Variants in USP33 observed in about 807,000 individuals in gnomAD.
The protein encoded by USP33 is ubiquitin carboxyl-terminal hydrolase 33.
USP33 carries 46 observed loss-of-function variants against 124.2 expected under a neutral mutation model. The observed-to-expected ratio is 0.37, with a 90% CI of 0.29 to 0.47. USP33 has a LOEUF of 0.47. Ranked by LOEUF, USP33 falls within the 20% of genes least tolerant of loss-of-function variation. USP33 has a pLI of 0.99. For synonymous variants in USP33, 350 were observed against 352.3 expected, an observed-to-expected ratio of 0.99 and a Z score of 0.07; for missense variants, 851 against 1,070.6, an observed-to-expected ratio of 0.79 and a Z score of 2.86.
chr1:77,752,974 G>A (rs773410381), intron 1 of USP33, among the ~76,000 whole-genome samples: 7 of 152,128 alleles, frequency 4.6e-5, no homozygotes, highest in Non-Finnish European at 8.8e-5. Context: ...AGCTAGCTGG[G>A]AGGCTGAGGC....
At chr1:77,737,507 T>A (rs1291214960) in intron 5 of USP33, among the ~76,000 whole-genome samples, 1 of 152,244 alleles carries the variant, frequency 6.6e-6, no homozygotes. Flanking sequence ...AATATTTTAC[T>A]ATTTTGCAAA....
intron 1 of USP33, among the ~76,000 whole-genome samples, chr1:77,756,727 CCTT>C (rs911236440): frequency 3.3e-4 from 51 of 152,292 alleles, no homozygotes; most frequent in African/African-American, 1.2e-3. Flanking sequence ...CTTTTTTCCT[CCTT>C]CTCTGATTCT....
At chr1:77,748,692 T>C (rs1679980004) in intron 1 of USP33, among the ~76,000 whole-genome samples, 1 of 151,260 alleles carries the variant, frequency 6.6e-6, no homozygotes, top group African/African-American at 2.4e-5. Flanking sequence ...AGAAATGGTC[T>C]TGATGAACTA....
Position 77,728,563 on chromosome 1 carries a change from A to C in USP33, c.867T>G (p.Ser289=). 2.5e-6 allele frequency: 4 copies of C among 1,614,152 alleles called. No homozygotes were observed. Among genetic ancestry groups the C allele is most frequent in the Non-Finnish European group, 3.4e-6 (4 of 1,180,024 alleles). The change falls in exon 10 of 24, where the codon TCT becomes TCG. Residue 289 remains serine (S), a synonymous_variant. Transcript: ENST00000370794. ...DKSQSDVDFQ[S]CESCSNSDRA... ...TATCACTGTTGCTACAAGATTCACA[A>C]GACTGAAAATCTACATCCGACTGGC... is the stretch of plus-strand genomic sequence containing the variant.
At chr1:77,717,823 T>A in intron 17 of USP33, 44 bp downstream of exon 17, 1 of 1,389,038 alleles carries the variant, frequency 7.2e-7, no homozygotes, top group Non-Finnish European at 9.6e-7. Context: ...CTTATTTTAA[T>A]TTTTTTTTAA....
rs960349299 is a variant in USP33, at chr1:77,696,500, CAA to C, written c.*815_*816del. The C allele has an allele frequency of 6.6e-6, 1 of 152,364 alleles. No individual in the cohort carries two copies. Among genetic ancestry groups the C allele is most frequent in the African/African-American group, 2.4e-5 (1 of 41,364 alleles). The allele number at this position is 152,364 out of a possible 1,614,324, so 9.4% of individuals were successfully genotyped here. ...GCTAGTTAGTGTATATGCTGCAGTG[CAA>C]AAAAAGTGACACCCTAGTTTCCTGA... On this transcript the variant is annotated 3_prime_UTR_variant, in exon 24 of 24. Transcript: ENST00000370794.
rs759270316 is a variant in USP33 at position 77,741,638 on chromosome 1, T to C, written c.60A>G (p.Glu20=). 5 of 1,590,544 alleles carry C rather than the reference T, an allele frequency of 3.1e-6. No homozygotes were observed. Among genetic ancestry groups the C allele is most frequent in the Non-Finnish European group, 3.4e-6 (4 of 1,172,374 alleles). ...TTACAAGGGATTTTTGTATCAAATC[T>C]TCTTTTGTTATTTCACCAACTGAAT... The part of the protein sequence containing the change: ...HLDSVGEITK[E]DLIQKSLGTC... The change falls in exon 2 of 24, where the codon GAA becomes GAG. Residue 20 remains glutamate, a synonymous_variant. Transcript: ENST00000370794.
Position 77,722,040 on chromosome 1 carries a change from T to C in USP33, c.1546A>G (p.Met516Val), listed in dbSNP as rs772238957. ...YAPQGWIAFFMEYVKRFVVSC... is the reference protein window; with the variant it reads ...YAPQGWIAFFVEYVKRFVVSC... ...AATACATACCTCTTCACATATTCCATGAAAAAAGCTATCCACCCTTGTGGA... is the reference window on the plus strand; with the variant it reads ...AATACATACCTCTTCACATATTCCACGAAAAAAGCTATCCACCCTTGTGGA... The change falls in exon 13 of 24, where the codon ATG becomes GTG. Residue 516 changes from methionine to valine, a missense_variant. By Grantham distance (21) the Met-to-Val change is conservative. Coordinates refer to ENST00000370794, the MANE Select transcript of USP33 (RefSeq NM_201624.3). The C allele has an allele frequency of 1.5e-5, 24 of 1,612,470 alleles. No homozygotes were observed. In the Admixed American group the frequency reaches 3.9e-4, roughly 26 times the overall value.
At chr1:77,709,018 C>T (rs1047860765) in intron 21 of USP33, among the ~76,000 whole-genome samples, 2 of 152,116 alleles carry the variant, frequency 1.3e-5, no homozygotes, top group African/African-American at 2.4e-5. Flanking sequence ...CTCATTTTAT[C>T]TTCATCGAGA....
chr1:77,697,665 T>C, intron 23 of USP33, 191 bp from the exon 24 acceptor site: 1 of 902,328 alleles, frequency 1.1e-6, no homozygotes, highest in Non-Finnish European at 1.6e-6. Flanking sequence ...AGAGATGCTT[T>C]TGCTTTGCTC....
rs1453408843 is a variant in USP33 at position 77,730,667 on chromosome 1, T to C, written c.589A>G (p.Ile197Val). The C allele has an allele frequency of 3.1e-6, 5 of 1,598,764 alleles. No homozygotes were observed. In the African/African-American group the frequency reaches 5.4e-5, roughly 17 times the overall value. Residue 197 changes from isoleucine (I) to valine (V), a missense_variant, in exon 8 of 24, where the codon ATT (isoleucine) becomes GTT (valine). Transcript: ENST00000370794. ...GLARTDKKPA[I>V]CKSYLKLMTE... is the part of the protein sequence containing the mutation. ...ATTAGTTTGAGATAACTTTTACAAA[T>C]GGCAGGTTTCTTATCTGTTCGAGCT...
Position 77,730,636 on chromosome 1 carries a change from T to C in USP33, c.620A>G (p.Glu207Gly). Reference protein sequence around the residue: ...ICKSYLKLMTELWHKSRPGSV... With the variant: ...ICKSYLKLMTGLWHKSRPGSV... ...TACATACCTGCTTTTATGCCACAGC[T>C]CTGTCATTAGTTTGAGATAACTTTT... The change falls in exon 8 of 24, where the codon GAG (glutamate) becomes GGG (glycine). Residue 207 changes from glutamate (E) to glycine (G), a missense_variant. By Grantham distance (98) the Glu-to-Gly change is moderately conservative. Around this residue, in one of 4 missense-constraint regions of USP33, gnomAD observed 221 missense variants for 302.9 expected, o/e 0.73. Transcript: ENST00000370794. 6.3e-7 allele frequency: 1 copy of C among 1,591,962 alleles called. No homozygotes were observed. Among genetic ancestry groups the C allele is most frequent in the Non-Finnish European group, 8.6e-7 (1 of 1,167,506 alleles).
chr1:77,734,271 A>G (rs1678170154), intron 7 of USP33, 76 bp downstream of exon 7: 2 of 1,135,002 alleles, frequency 1.8e-6, no homozygotes, highest in African/African-American at 1.6e-5. Context: ...GTCAACTACT[A>G]TAGTTGCAAG....
chr1:77,711,456 G>A (rs773104465), intron 21 of USP33: 1 of 217,122 alleles, frequency 4.6e-6, no homozygotes, highest in Admixed American at 6.1e-5. Flanking sequence ...GAACCTAGGA[G>A]GCAGAGGTTG....
At position 77,728,717 on chromosome 1, in the gene USP33, T is replaced by C; in HGVS notation, c.718-5A>G. The C allele has an allele frequency of 6.2e-7, 1 of 1,609,396 alleles. No homozygotes were observed. Among genetic ancestry groups the C allele is most frequent in the Non-Finnish European group, 8.5e-7 (1 of 1,178,320 alleles). The stretch of plus-strand genomic sequence containing the variant: ...TCGAAGGAATTCTTGAGCATCCTAA[T>C]ATATCAGCAACATAATGTTAACCAC... On this transcript the variant is annotated splice_region_variant and splice_polypyrimidine_tract_variant and intron_variant, in intron 9 of 23. Transcript: ENST00000370794.
intron 10 of USP33, among the ~76,000 whole-genome samples, chr1:77,727,172 T>G (rs1348709851): frequency 1.3e-5 from 2 of 152,230 alleles, no homozygotes; most frequent in Admixed American, 6.5e-5. Context: ...AATTTTTTCC[T>G]CTAACGGACC....
chr1:77,741,538 T>C, intron 2 of USP33, 79 bp downstream of exon 2: 3 of 1,539,294 alleles, frequency 1.9e-6, no homozygotes, highest in Non-Finnish European at 2.6e-6. Context: ...GCTCATAGAG[T>C]ATTACAGTAA....
chr1:77,724,945 G>A (rs1023938380), intron 11 of USP33, among the ~76,000 whole-genome samples: 14 of 152,082 alleles, frequency 9.2e-5, no homozygotes, highest in African/African-American at 3.4e-4. Flanking sequence ...GGGAGGCTGA[G>A]GCAGGAGAAC....
rs753672503 is a variant in USP33 at position 77,736,016 on chromosome 1, G to A, written c.454+40C>T. The stretch of plus-strand genomic sequence containing the variant: ...ATTATATGGTTTTCTAAAGAAATGG[G>A]CAGTGCCATACAAAGAAGCGTTACA... On this transcript the variant is annotated intron_variant, in intron 6 of 23. Coordinates refer to ENST00000370794, the MANE Select transcript of USP33 (RefSeq NM_201624.3). 4.5e-5 allele frequency: 62 copies of A among 1,385,116 alleles called. 1 individual carries two copies. Among genetic ancestry groups the A allele is most frequent in the Admixed American group, 3.4e-4 (17 of 50,296 alleles). 85.8% of individuals were successfully genotyped at this position (1,385,116 alleles called of 1,614,324 possible). A position where few individuals can be genotyped will look rare whatever the true frequency, so the allele number is the denominator to read the frequency against.
Sources: allele counts gnomAD v4.1 joint callset (sites outside exome capture counted in the v4.1 genomes callset), GRCh38; gene constraint gnomAD v4.1.1; regional missense constraint gnomAD v4.1.1; transcripts MANE v1.5; gene names NCBI Gene and HGNC (gene_info 2026-07-23, HGNC 2026-07-21).